PITPNC1: variants seen among roughly 807,000 people sequenced by gnomAD.
The protein encoded by PITPNC1 is cytoplasmic phosphatidylinositol transfer protein 1.
In PITPNC1, 18 loss-of-function variants were observed where a neutral mutation model predicts 44.7. That is an observed-to-expected ratio of 0.40 (90% CI 0.28 to 0.60). The LOEUF (loss-of-function observed/expected upper bound fraction) is 0.60. Ranked by LOEUF, PITPNC1 falls within the 20% of genes least tolerant of loss-of-function variation. PITPNC1 has a pLI of 0.39. For missense variants in PITPNC1, 290 were observed against 418.4 expected (o/e 0.69, Z 2.68); for synonymous variants, 141 against 149.6 (o/e 0.94, Z 0.42).
At chr17:67,623,534 G>A (rs187936741) in intron 5 of PITPNC1, among the ~76,000 whole-genome samples, 32 of 152,200 alleles carry the variant, frequency 2.1e-4, no homozygotes, top group Admixed American at 1.6e-3. Flanking sequence ...ACAGGCATAC[G>A]CCACCATGCC....
At chr17:67,403,918 A>T (rs1354701826) in intron 1 of PITPNC1, among the ~76,000 whole-genome samples, 1 of 152,148 alleles carries the variant, frequency 6.6e-6, no homozygotes, top group Non-Finnish European at 1.5e-5. Flanking sequence ...GCTACTTGGG[A>T]GGCTGAGGCA....
In PITPNC1 at chr17:67,425,361, C is replaced by T. The variant is rs2038748501; in HGVS notation, c.48+47159C>T. On this transcript the variant is annotated intron_variant, in intron 1 of 8. Transcript: ENST00000581322. ...AGAAATGGTCACAGCTTATTCAAGT[C>T]CTAAACCCTTGCTATGGGCAAGGGT... is the stretch of plus-strand genomic sequence containing the variant. 2.0e-5 allele frequency among the ~76,000 whole-genome samples: 3 copies of T among 151,534 alleles called. No individual in the cohort carries two copies. The South Asian group carries it at 6.3e-4, about 32-fold the overall frequency.
chr17:67,540,539 C>T (rs1211644834), intron 2 of PITPNC1, among the ~76,000 whole-genome samples: 5 of 152,014 alleles, frequency 3.3e-5, no homozygotes, highest in South Asian at 2.1e-4. Context: ...AAAATAAAAT[C>T]GAAAATATAA....
intron 2 of PITPNC1, among the ~76,000 whole-genome samples, chr17:67,538,047 G>A (rs1001618663): frequency 5.9e-5 from 9 of 151,604 alleles, no homozygotes; most frequent in African/African-American, 1.7e-4. Flanking sequence ...TGAAGGAGGG[G>A]CTTGACCTAC....
intron 8 of PITPNC1, among the ~76,000 whole-genome samples, chr17:67,675,788 G>A (rs530212812): frequency 3.3e-5 from 5 of 152,250 alleles, no homozygotes; most frequent in East Asian, 1.9e-4. Flanking sequence ...TAGTTGATAC[G>A]CATGGCTCCA....
At position 67,635,895 on chromosome 17, in the gene PITPNC1, A is replaced by G. The variant is rs1429055215; in HGVS notation, c.462+3657A>G. On this transcript the variant is annotated intron_variant, in intron 6 of 8. Transcript: ENST00000581322. ...CACGAGGATGCTTGGCAATGCCTATAGACATTCTTGGTTGTCAAAACATAG... is the reference window on the plus strand; with the variant it reads ...CACGAGGATGCTTGGCAATGCCTATGGACATTCTTGGTTGTCAAAACATAG... Among the ~76,000 whole-genome samples, 5 of 152,338 alleles carry G rather than the reference A, an allele frequency of 3.3e-5. No homozygotes were observed. The East Asian group carries it at 9.6e-4, about 29-fold the overall frequency.
rs72839420 is a variant in PITPNC1 at position 67,642,316 on chromosome 17, G to A, written c.462+10078G>A. Among the ~76,000 whole-genome samples the A allele has an allele frequency of 6.3e-3, 963 of 152,270 alleles. 7 individuals are homozygous for A. The highest frequency in any genetic ancestry group is 0.017 in the Middle Eastern group (5 of 294). ...GAAAAAGCAGGGGTTATCAGCAACC[G>A]TGCAAGGGGACTCTACCTGTGACCT... On this transcript the variant is annotated intron_variant, in intron 6 of 8. Transcript: ENST00000581322.
chr17:67,684,821 C>A (rs192686135), intron 8 of PITPNC1, among the ~76,000 whole-genome samples: 1 of 152,128 alleles, frequency 6.6e-6, no homozygotes, highest in East Asian at 1.9e-4. Flanking sequence ...GTTGTTAAAC[C>A]CTTTTTCACA....
chr17:67,481,900 A>G (rs952699422), intron 1 of PITPNC1, among the ~76,000 whole-genome samples: 1 of 152,230 alleles, frequency 6.6e-6, no homozygotes, highest in Non-Finnish European at 1.5e-5. Context: ...GAGTGTTCAG[A>G]TAAGTGCAGA....
chr17:67,473,779 C>T (rs2039585428), intron 1 of PITPNC1, among the ~76,000 whole-genome samples: 1 of 152,140 alleles, frequency 6.6e-6, no homozygotes, highest in African/African-American at 2.4e-5. Flanking sequence ...TGAGCCTATG[C>T]AGGTATCCTG....
At chr17:67,620,264 G>A (rs577576489) in intron 5 of PITPNC1, among the ~76,000 whole-genome samples, 4 of 152,076 alleles carry the variant, frequency 2.6e-5, no homozygotes, top group South Asian at 4.2e-4. Context: ...ATGTTGCCCC[G>A]GCTGGTCTCG....
At chr17:67,578,925 T>C (rs1237444583) in intron 5 of PITPNC1, among the ~76,000 whole-genome samples, 1 of 152,162 alleles carries the variant, frequency 6.6e-6, no homozygotes, top group Non-Finnish European at 1.5e-5. Context: ...GAGGTTACAG[T>C]GAGCCGAGGT....
intron 5 of PITPNC1, among the ~76,000 whole-genome samples, chr17:67,591,037 G>A (rs188494119): frequency 2.0e-5 from 3 of 152,058 alleles, no homozygotes; most frequent in East Asian, 1.9e-4. Flanking sequence ...TGTCTGTAAC[G>A]TTATCAATCC....
rs2039189988 is a variant in PITPNC1 at position 67,452,220 on chromosome 17, A to C, written c.48+74018A>C. On this transcript the variant is annotated intron_variant, in intron 1 of 8. Transcript: ENST00000581322. ...AGACGGGGGTCTCACTATGTTTCCC[A>C]GGCTAGTCTCGAACTCCTGAGCTCA... Among the ~76,000 whole-genome samples, 4 of 150,802 alleles carry C rather than the reference A, an allele frequency of 2.7e-5. 1 individual carries two copies. The South Asian group carries it at 8.4e-4, about 32-fold the overall frequency.
chr17:67,520,184 C>T (rs148145954), intron 1 of PITPNC1, among the ~76,000 whole-genome samples: 2 of 152,178 alleles, frequency 1.3e-5, no homozygotes, highest in African/African-American at 4.8e-5. Flanking sequence ...TCACAAACAA[C>T]GGTTCTTTTC....
At chr17:67,544,308 C>T (rs555412061) in intron 2 of PITPNC1, among the ~76,000 whole-genome samples, 18 of 151,706 alleles carry the variant, frequency 1.2e-4, no homozygotes, top group African/African-American at 4.3e-4. Context: ...CACCCAGAAA[C>T]ATATGAAGGT....
At chr17:67,448,417 G>C (rs368209914) in intron 1 of PITPNC1, among the ~76,000 whole-genome samples, 101 of 152,260 alleles carry the variant, frequency 6.6e-4, no homozygotes, top group African/African-American at 2.4e-3. Flanking sequence ...CTGAGAACTG[G>C]GGCAGCTTCC....
intron 1 of PITPNC1, among the ~76,000 whole-genome samples, chr17:67,425,211 A>ATG (rs2038741310): frequency 8.2e-5 from 3 of 36,666 alleles, no homozygotes. Flanking sequence ...ACGCACACAC[A>ATG]CACACACACA....
intron 1 of PITPNC1, among the ~76,000 whole-genome samples, chr17:67,426,933 C>T (rs2038775431): frequency 6.6e-6 from 1 of 152,156 alleles, no homozygotes; most frequent in Admixed American, 6.5e-5. Context: ...TTCCTGTTTA[C>T]TCTGAAGTTC....
Sources: gnomAD v4.1 joint callset for allele counts (sites outside exome capture counted in the v4.1 genomes callset) on GRCh38, gnomAD v4.1.1 for gene constraint, MANE v1.5 for transcripts, NCBI Gene and HGNC (gene_info 2026-07-23, HGNC 2026-07-21) for gene names.